Variants in CDH8 observed in about 807,000 individuals in gnomAD.
CDH8 encodes the protein cadherin-8.
In CDH8, 17 loss-of-function variants were observed where a neutral mutation model predicts 68.1. The ratio of observed to expected loss-of-function variants is 0.25; its 90% confidence interval spans 0.17 to 0.37. The LOEUF is 0.37. CDH8 is among the 10% of genes least tolerant of loss of function. The probability of loss-of-function intolerance (pLI) is 1.00; values close to 1 mark genes in which losing one functional copy is unlikely to be tolerated. For synonymous variants in CDH8, 372 were observed against 365.1 expected (o/e 1.02, Z -0.21); for missense variants, 763 against 999.3 (o/e 0.76, Z 3.19).
In CDH8 at chr16:62,010,955, A is replaced by G. The variant is rs138368948; in HGVS notation, c.252+10197T>C. ...CGAAACTCCATTTCAAAAAAAAAAA[A>G]CAAACCCTCTTTTTCTCCCCCATTT... On this transcript the variant is annotated intron_variant, in intron 2 of 11. Coordinates refer to ENST00000577390, the MANE Select transcript of CDH8 (RefSeq NM_001796.5). Among the ~76,000 whole-genome samples, 1,008 of 151,280 alleles carry G rather than the reference A, an allele frequency of 6.7e-3. 4 individuals carry two copies. The highest frequency in any genetic ancestry group is 0.012 in the Admixed American group (175 of 15,158).
At chr16:61,744,466 A>G (rs528418880) in intron 8 of CDH8, among the ~76,000 whole-genome samples, 1 of 152,098 alleles carries the variant, frequency 6.6e-6, no homozygotes, top group Non-Finnish European at 1.5e-5. Context: ...ATTTATCCTT[A>G]TATTACAGCT....
intron 2 of CDH8, among the ~76,000 whole-genome samples, chr16:61,910,197 A>C (rs1406176324): frequency 6.6e-6 from 1 of 152,178 alleles, no homozygotes; most frequent in Non-Finnish European, 1.5e-5. Context: ...ATGCCAGAAA[A>C]TAAAATCACT....
At chr16:62,032,702 T>C (rs1475238211) in intron 1 of CDH8, among the ~76,000 whole-genome samples, 2 of 152,090 alleles carry the variant, frequency 1.3e-5, no homozygotes, top group Non-Finnish European at 2.9e-5. Context: ...GACACAAAAG[T>C]TTGCGGATGG....
At chr16:61,823,873 C>T (rs1006892918) in intron 5 of CDH8, among the ~76,000 whole-genome samples, 3 of 151,902 alleles carry the variant, frequency 2.0e-5, no homozygotes, top group African/African-American at 7.2e-5. Context: ...GTACACCATC[C>T]TTCCACAGAG....
Position 61,748,355 on chromosome 16 carries a change from A to T in CDH8, c.1415-21140T>A, listed in dbSNP as rs541743488. Among the ~76,000 whole-genome samples, 69 of 152,094 alleles carry T rather than the reference A, an allele frequency of 4.5e-4. 1 individual carries two copies. Among genetic ancestry groups the T allele is most frequent in the Non-Finnish European group, 6.5e-4 (44 of 67,908 alleles). ...GATTATTCTCTCATAAACACTTAACATATGATAATTCTATTTTCCAAGGTA... is the reference window on the plus strand; with the variant it reads ...GATTATTCTCTCATAAACACTTAACTTATGATAATTCTATTTTCCAAGGTA... On this transcript the variant is annotated intron_variant, in intron 8 of 11. Transcript: ENST00000577390.
chr16:62,010,401 C>G (rs536258287), intron 2 of CDH8, among the ~76,000 whole-genome samples: 3 of 152,158 alleles, frequency 2.0e-5, no homozygotes, highest in Non-Finnish European at 4.4e-5. Context: ...GGAACAAAAT[C>G]TGTGATCACC....
intron 2 of CDH8, among the ~76,000 whole-genome samples, chr16:62,006,527 G>C (rs1443901932): frequency 2.6e-5 from 4 of 152,150 alleles, no homozygotes; most frequent in Admixed American, 2.0e-4. Flanking sequence ...AGATCTAAAT[G>C]AGAGTTCATA....
At chr16:61,781,548 G>C (rs1456298322) in intron 8 of CDH8, among the ~76,000 whole-genome samples, 1 of 152,152 alleles carries the variant, frequency 6.6e-6, no homozygotes, top group Non-Finnish European at 1.5e-5. Flanking sequence ...TTGAGCCCAG[G>C]GTGGAGTGAG....
intron 2 of CDH8, among the ~76,000 whole-genome samples, chr16:62,007,151 C>T (rs1260603333): frequency 6.6e-6 from 1 of 152,100 alleles, no homozygotes; most frequent in African/African-American, 2.4e-5. Context: ...CATGATCCAC[C>T]CACCTCGGCC....
intron 8 of CDH8, among the ~76,000 whole-genome samples, chr16:61,759,640 G>T (rs546927885): frequency 6.6e-6 from 1 of 152,240 alleles, no homozygotes; most frequent in African/African-American, 2.4e-5. Flanking sequence ...CTGTTCTTGA[G>T]TAATGCTGTC....
chr16:61,969,383 C>T lies in CDH8; in HGVS notation c.252+51769G>A, dbSNP rs183398054. Among the ~76,000 whole-genome samples, 418 of 152,248 alleles carry T rather than the reference C, an allele frequency of 2.7e-3. 4 individuals are homozygous for T. Among genetic ancestry groups the T allele is most frequent in the African/African-American group, 9.0e-3 (373 of 41,556 alleles). ...TTCCCTTTCTGAATCTTTCTTGGCA[C>T]GTAGCTGGTTTCTTGAATAGTGCTT... On this transcript the variant is annotated intron_variant, in intron 2 of 11. Coordinates refer to ENST00000577390, the MANE Select transcript of CDH8 (RefSeq NM_001796.5).
chr16:61,860,921 A>G (rs772776259), intron 3 of CDH8, among the ~76,000 whole-genome samples: 1 of 152,202 alleles, frequency 6.6e-6, no homozygotes, highest in African/African-American at 2.4e-5. Flanking sequence ...TTGAACATAA[A>G]ATAGTTCTGA....
chr16:61,959,713 T>C (rs1252315281), intron 2 of CDH8, among the ~76,000 whole-genome samples: 2 of 133,978 alleles, frequency 1.5e-5, no homozygotes, highest in African/African-American at 3.0e-5. Context: ...TCTGTGTATA[T>C]ACACATATAT....
chr16:61,864,430 A>G (rs1963215844), intron 3 of CDH8, among the ~76,000 whole-genome samples: 1 of 152,094 alleles, frequency 6.6e-6, no homozygotes, highest in Admixed American at 6.6e-5. Context: ...TGAAGGAAAA[A>G]GCTGAGAAAT....
intron 7 of CDH8, among the ~76,000 whole-genome samples, chr16:61,789,857 G>C (rs1260999065): frequency 6.6e-6 from 1 of 152,008 alleles, no homozygotes; most frequent in Non-Finnish European, 1.5e-5. Context: ...CCCAAAGCAA[G>C]ATGGCACTAG....
chr16:61,990,626 G>A (rs1965698212), intron 2 of CDH8, among the ~76,000 whole-genome samples: 1 of 152,002 alleles, frequency 6.6e-6, no homozygotes, highest in Non-Finnish European at 1.5e-5. Flanking sequence ...AGCCTGATAA[G>A]TATAGCAAGA....
At chr16:61,736,287 C>T (rs570930350) in intron 8 of CDH8, among the ~76,000 whole-genome samples, 33 of 152,136 alleles carry the variant, frequency 2.2e-4, no homozygotes, top group African/African-American at 7.2e-4. Context: ...TGAGATAAGG[C>T]CAATGGTGAT....
chr16:61,999,761 G>A (rs1965863032), intron 2 of CDH8, among the ~76,000 whole-genome samples: 1 of 151,482 alleles, frequency 6.6e-6, no homozygotes, highest in South Asian at 2.1e-4. Context: ...TGAGTTAAAT[G>A]TTCTTTGAAA....
intron 2 of CDH8, among the ~76,000 whole-genome samples, chr16:61,928,736 C>A (rs570724127): frequency 9.3e-4 from 142 of 152,256 alleles, no homozygotes; most frequent in Middle Eastern, 6.8e-3. Context: ...GTTGTATAAG[C>A]CGTCTCATCA....
Sources: allele counts gnomAD v4.1 joint callset (sites outside exome capture counted in the v4.1 genomes callset), GRCh38; gene constraint gnomAD v4.1.1; transcripts MANE v1.5; gene names NCBI Gene and HGNC (gene_info 2026-07-23, HGNC 2026-07-21).